The following CNTLN variants were observed in gnomAD, a reference collection of about 807,000 sequenced individuals.
CNTLN encodes the protein centlein, also known as centlein, centrosomal protein.
In CNTLN, 212 loss-of-function variants were observed where a neutral mutation model predicts 180.0. The observed-to-expected ratio is 1.18, with a 90% CI of 1.05 to 1.32. The LOEUF (loss-of-function observed/expected upper bound fraction) is 1.32, where lower values mean the gene tolerates loss of function less well. CNTLN is among the 40% of genes most tolerant of loss of function. The pLI is 0.00. For missense variants in CNTLN, 2,095 were observed against 1,610.9 expected, an observed-to-expected ratio of 1.30 and a Z score of -5.14; for synonymous variants, 722 against 563.1, an observed-to-expected ratio of 1.28 and a Z score of -3.99.
chr9:17,294,844 A>G (rs1422155654), intron 6 of CNTLN, among the ~76,000 whole-genome samples: 4 of 17,328 alleles, frequency 2.3e-4, no homozygotes, highest in Admixed American at 7.6e-4. Flanking sequence ...AGGAGGGGGG[A>G]GGGCGGGGAG....
chr9:17,511,637 C>CTA, the CNTLN span, among the ~76,000 whole-genome samples: 1 of 83,406 alleles, frequency 1.2e-5, no homozygotes, highest in Non-Finnish European at 2.6e-5. Context: ...CTTTATCTCT[C>CTA]TCTCTCTCTC....
chr9:17,164,337 C>G (rs897100401), intron 2 of CNTLN, among the ~76,000 whole-genome samples: 1 of 129,714 alleles, frequency 7.7e-6, no homozygotes, highest in Non-Finnish European at 1.6e-5. Context: ...AAAAGTTGAT[C>G]TATTGAAATG....
intron 7 of CNTLN, chr9:17,300,930 C>G: frequency 4.1e-6 from 4 of 970,006 alleles, no homozygotes; most frequent in African/African-American, 1.8e-5. Context: ...ATTTTACTTC[C>G]TTTATTCTAC....
chr9:17,196,465 A>G (rs1327935362), intron 2 of CNTLN, among the ~76,000 whole-genome samples: 1 of 152,140 alleles, frequency 6.6e-6, no homozygotes, highest in Non-Finnish European at 1.5e-5. Flanking sequence ...AAGCTTCTCT[A>G]GTAGTAGGTA....
intron 23 of CNTLN, among the ~76,000 whole-genome samples, chr9:17,481,214 C>T (rs1832628714): frequency 6.6e-6 from 1 of 152,220 alleles, no homozygotes; most frequent in African/African-American, 2.4e-5. Context: ...TTGCTAAGCA[C>T]AGCCTATGGC....
the CNTLN span, among the ~76,000 whole-genome samples, chr9:17,509,699 G>C: frequency 2.0e-5 from 3 of 152,206 alleles, no homozygotes; most frequent in Middle Eastern, 3.4e-3. Flanking sequence ...CCATAGCCAG[G>C]GTTCATGGAT....
At chr9:17,245,730 T>C (rs1825762909) in intron 5 of CNTLN, among the ~76,000 whole-genome samples, 1 of 152,008 alleles carries the variant, frequency 6.6e-6, no homozygotes, top group African/African-American at 2.4e-5. Context: ...TCATTCTTTT[T>C]CCTCATTTTT....
At chr9:17,392,140 G>T (rs184058883) in intron 14 of CNTLN, among the ~76,000 whole-genome samples, 2 of 152,146 alleles carry the variant, frequency 1.3e-5, no homozygotes, top group Admixed American at 6.5e-5. Context: ...GATGGTGCAT[G>T]CCTCTGGTCC....
At chr9:17,271,751 C>T (rs868237632) in intron 5 of CNTLN, among the ~76,000 whole-genome samples, 2 of 152,126 alleles carry the variant, frequency 1.3e-5, no homozygotes, top group South Asian at 2.1e-4. Context: ...GTCATTTTTA[C>T]CTTCAGAATA....
the CNTLN span, among the ~76,000 whole-genome samples, chr9:17,515,581 C>A: frequency 4.6e-5 from 7 of 152,240 alleles, no homozygotes; most frequent in South Asian, 1.0e-3. Context: ...TAAGTGGCAA[C>A]CCTAAACTTC....
intron 2 of CNTLN, among the ~76,000 whole-genome samples, chr9:17,160,161 A>G (rs1052842653): frequency 6.6e-6 from 1 of 151,960 alleles, no homozygotes; most frequent in Non-Finnish European, 1.5e-5. Context: ...AAACTTTTTA[A>G]TTTTTTTATC....
In CNTLN at chr9:17,164,539, A is replaced by G. The variant is rs975675905; in HGVS notation, c.449+21163A>G. Among the ~76,000 whole-genome samples the G allele has an allele frequency of 3.6e-4, 47 of 129,022 alleles. No individual in the cohort carries two copies. In the Admixed American group the frequency reaches 4.3e-3, roughly 12 times the overall value. The allele number at this position is 129,022 out of a possible 152,430, so 84.6% of individuals were successfully genotyped here. On this transcript the variant is annotated intron_variant, in intron 2 of 25. Transcript: ENST00000380647. ...GAGTGGAGTGACGCTACCTCGGCTC[A>G]CTGTGACCTCTGCCTCCCTGGTTCG...
intron 12 of CNTLN, among the ~76,000 whole-genome samples, chr9:17,365,957 G>T (rs1823783849): frequency 6.6e-6 from 1 of 152,138 alleles, no homozygotes. Context: ...AAACAACCAA[G>T]AAGTGGTTGA....
At chr9:17,423,641 A>T (rs1480530092) in intron 18 of CNTLN, among the ~76,000 whole-genome samples, 1 of 152,036 alleles carries the variant, frequency 6.6e-6, no homozygotes, top group African/African-American at 2.4e-5. Context: ...AGATTTTATT[A>T]TTGCCTTTCA....
chr9:17,362,576 C>T (rs1487564628), intron 12 of CNTLN, among the ~76,000 whole-genome samples: 1 of 152,120 alleles, frequency 6.6e-6, no homozygotes, highest in East Asian at 1.9e-4. Flanking sequence ...CTTCAAATAA[C>T]TTTTTATTGT....
chr9:17,469,811 G>A (rs1831958436), intron 23 of CNTLN, among the ~76,000 whole-genome samples: 1 of 151,838 alleles, frequency 6.6e-6, no homozygotes, highest in African/African-American at 2.4e-5. Flanking sequence ...TAACTCTGTA[G>A]TTAAGAGGAT....
At chr9:17,212,444 G>C (rs1276610688) in intron 2 of CNTLN, among the ~76,000 whole-genome samples, 1 of 152,186 alleles carries the variant, frequency 6.6e-6, no homozygotes, top group Admixed American at 6.5e-5. Flanking sequence ...ATGTGCTGCT[G>C]GATTTGGTTT....
At chr9:17,204,755 A>C (rs1339823056) in intron 2 of CNTLN, among the ~76,000 whole-genome samples, 1 of 152,174 alleles carries the variant, frequency 6.6e-6, no homozygotes, top group Non-Finnish European at 1.5e-5. Flanking sequence ...GTTGGCAGCC[A>C]GGAAAGATTA....
intron 2 of CNTLN, among the ~76,000 whole-genome samples, chr9:17,184,043 C>A (rs1431456124): frequency 2.6e-5 from 4 of 151,998 alleles, no homozygotes; most frequent in Non-Finnish European, 5.9e-5. Context: ...CATGAGATAA[C>A]CTGATTTATG....
Sources: allele counts gnomAD v4.1 joint callset (sites outside exome capture counted in the v4.1 genomes callset), GRCh38; gene constraint gnomAD v4.1.1; transcripts MANE v1.5; gene names NCBI Gene and HGNC (gene_info 2026-07-23, HGNC 2026-07-21).